Variants in DZIP1L observed in about 807,000 individuals in gnomAD.
The protein encoded by DZIP1L is DAZ interacting zinc finger protein 1 like, also known as cilium assembly protein DZIP1L.
Under a neutral mutation model 88.7 loss-of-function variants are expected in DZIP1L, and 90 were observed. The observed-to-expected ratio is 1.02, with a 90% CI of 0.86 to 1.21. The LOEUF is 1.21. DZIP1L is among the 50% of genes most tolerant of loss of function. The pLI, the probability that DZIP1L is intolerant of heterozygous loss-of-function variation, is 0.00. For synonymous variants in DZIP1L, 363 were observed against 372.1 expected (o/e 0.98, Z 0.28); for missense variants, 932 against 955.8 (o/e 0.98, Z 0.33).
intron 1 of DZIP1L, among the ~76,000 whole-genome samples, chr3:138,107,851 C>T (rs1208028701): frequency 6.6e-6 from 1 of 152,184 alleles, no homozygotes; most frequent in Non-Finnish European, 1.5e-5. Flanking sequence ...AAACGCAAAC[C>T]TCTCAGCCTG....
intron 7 of DZIP1L, among the ~76,000 whole-genome samples, chr3:138,086,669 C>T (rs1056864815): frequency 6.6e-6 from 1 of 152,188 alleles, no homozygotes; most frequent in African/African-American, 2.4e-5. Context: ...GAACAACCCT[C>T]CCTGGAGGGC....
At chr3:138,101,614 C>T (rs762241016) in intron 2 of DZIP1L, 1 of 795,854 alleles carries the variant, frequency 1.3e-6, no homozygotes, top group Non-Finnish European at 2.2e-6. Context: ...AAAGCTGGAG[C>T]CCAGGCCGTA....
intron 1 of DZIP1L, 113 bp from the exon 2 acceptor site, chr3:138,104,165 G>A (rs2042411481): frequency 2.0e-6 from 2 of 1,009,738 alleles, no homozygotes; most frequent in South Asian, 3.5e-5. Flanking sequence ...TGCAGCAGCT[G>A]TAGCATTCAT....
At chr3:138,108,828 T>C (rs1254865860) in intron 1 of DZIP1L, among the ~76,000 whole-genome samples, 1 of 152,214 alleles carries the variant, frequency 6.6e-6, no homozygotes, top group Non-Finnish European at 1.5e-5. Context: ...TGATGATAAA[T>C]GGCAACTCAT....
At chr3:138,080,380 A>G (rs1488731569) in intron 10 of DZIP1L, 187 bp downstream of exon 10, 1 of 527,150 alleles carries the variant, frequency 1.9e-6, no homozygotes, top group Non-Finnish European at 3.3e-6. Flanking sequence ...AGCAGATTGT[A>G]TGTTAGTACC....
chr3:138,067,088 G>GT (rs1305672675), intron 14 of DZIP1L, among the ~76,000 whole-genome samples: 1 of 152,122 alleles, frequency 6.6e-6, no homozygotes, highest in African/African-American at 2.4e-5. Context: ...CCCCCACTTT[G>GT]GCCTCAAGTG....
chr3:138,064,911 A>G (rs1394893210), intron 14 of DZIP1L, 144 bp from the exon 15 acceptor site: 1 of 1,246,008 alleles, frequency 8.0e-7, no homozygotes, highest in Non-Finnish European at 1.1e-6. Flanking sequence ...ACCACAAAAA[A>G]GGAGACAGAG....
At chr3:138,111,635 TTAC>T (rs1473358838) in intron 1 of DZIP1L, among the ~76,000 whole-genome samples, 1 of 152,190 alleles carries the variant, frequency 6.6e-6, no homozygotes, top group Non-Finnish European at 1.5e-5. Flanking sequence ...CTCAAAAGTA[TTAC>T]TCATGTCTTT....
intron 12 of DZIP1L, 102 bp from the exon 13 acceptor site, chr3:138,068,469 A>C: frequency 3.6e-6 from 3 of 826,558 alleles, no homozygotes; most frequent in South Asian, 2.4e-5. Flanking sequence ...ATGAACAATT[A>C]CTCCCTCTCC....
intron 11 of DZIP1L, among the ~76,000 whole-genome samples, chr3:138,077,074 C>CACACAGCCACCTGCTGAGTGG (rs1005577661): frequency 6.6e-6 from 1 of 151,686 alleles, no homozygotes. Flanking sequence ...GTGATGCCCA[C>CACACAGCCACCTGCTGAGTGG]ACACAGCCAC....
At chr3:138,115,129 G>C (rs1446780047) in intron 1 of DZIP1L, among the ~76,000 whole-genome samples, 199 bp downstream of exon 1, 1 of 152,032 alleles carries the variant, frequency 6.6e-6, no homozygotes. Context: ...GGGCCGCGCC[G>C]GGCCAGAAGG....
At chr3:138,068,101 C>G in intron 13 of DZIP1L, 50 bp downstream of exon 13, 1 of 1,427,582 alleles carries the variant, frequency 7.0e-7, no homozygotes, top group Non-Finnish European at 9.2e-7. Flanking sequence ...CTGCCTGAAT[C>G]CAGGAGCCAC....
chr3:138,079,981 G>A (rs1943572341), intron 10 of DZIP1L, among the ~76,000 whole-genome samples: 1 of 152,186 alleles, frequency 6.6e-6, no homozygotes, highest in African/African-American at 2.4e-5. Flanking sequence ...CAGTCAGGGA[G>A]CATCTCTCTT....
At position 138,088,451 on chromosome 3, in the gene DZIP1L, T is replaced by C. The variant is rs951031955; in HGVS notation, c.927A>G (p.Arg309=). 5 of 1,613,958 alleles carry C rather than the reference T, an allele frequency of 3.1e-6. No homozygotes were observed. Among genetic ancestry groups the C allele is most frequent in the Non-Finnish European group, 4.2e-6 (5 of 1,180,006 alleles). The part of the protein sequence containing the change: ...SVMESKLGSL[R]DEESEEWLRQ... ...GAAGCCACTCCTCTGACTCCTCATC[T>C]CGCAGTGATCCCAGCTTGGACTCCA... Residue 309 remains arginine, a synonymous_variant, in exon 6 of 16, where the codon CGA becomes CGG. Transcript: ENST00000327532.
chr3:138,111,004 G>A (rs1054884384), intron 1 of DZIP1L, among the ~76,000 whole-genome samples: 7 of 152,186 alleles, frequency 4.6e-5, no homozygotes, highest in African/African-American at 1.7e-4. Context: ...CAGGAGCTGG[G>A]AAAGGGTTCT....
chr3:138,073,164 A>G (rs1223194499), intron 11 of DZIP1L, among the ~76,000 whole-genome samples: 2 of 152,016 alleles, frequency 1.3e-5, no homozygotes, highest in African/African-American at 4.8e-5. Flanking sequence ...CTGAATACTT[A>G]ACCAGGTGTC....
chr3:138,077,233 G>C (rs1485314095), intron 11 of DZIP1L, among the ~76,000 whole-genome samples: 2 of 152,190 alleles, frequency 1.3e-5, no homozygotes, highest in African/African-American at 4.8e-5. Context: ...TAACCAATGA[G>C]TGGAGAACAC....
At chr3:138,097,571 C>T (rs1944537117) in intron 3 of DZIP1L, among the ~76,000 whole-genome samples, 192 bp downstream of exon 3, 1 of 152,236 alleles carries the variant, frequency 6.6e-6, no homozygotes, top group South Asian at 2.1e-4. Flanking sequence ...CCCTTCTTTA[C>T]ACGTGGGGTC....
intron 2 of DZIP1L, chr3:138,103,037 G>T (rs2042367840): frequency 2.3e-6 from 1 of 434,410 alleles, no homozygotes; most frequent in African/African-American, 2.0e-5. Context: ...CTCCAGAGTT[G>T]TATCCTTTAT....
Sources: allele counts gnomAD v4.1 joint callset (sites outside exome capture counted in the v4.1 genomes callset), GRCh38; gene constraint gnomAD v4.1.1; transcripts MANE v1.5; gene names NCBI Gene and HGNC (gene_info 2026-07-23, HGNC 2026-07-21).